AFF2: variants seen among roughly 807,000 people sequenced by gnomAD.
AFF2 encodes the protein ALF transcription elongation factor 2.
A neutral mutation model predicts 76.9 loss-of-function variants in AFF2; 14 were observed. The observed-to-expected ratio is 0.18, with a 90% CI of 0.12 to 0.28. AFF2 has a LOEUF of 0.28. Among genes scored for constraint, AFF2 ranks in the 10% least tolerant of loss-of-function variants. The pLI, the probability that AFF2 is intolerant of heterozygous loss-of-function variation, is 1.00. For synonymous variants in AFF2, 398 were observed against 366.7 expected, an observed-to-expected ratio of 1.09 and a Z score of -0.98; for missense variants, 868 against 1,001.1, an observed-to-expected ratio of 0.87 and a Z score of 1.79.
At chrX:148,666,173 A>G (rs782216934) in intron 3 of AFF2, among the ~76,000 whole-genome samples, 1 of 112,416 alleles carries the variant, frequency 8.9e-6, no homozygotes, top group South Asian at 3.7e-4. Flanking sequence ...TCCTTGAATC[A>G]TTTCCATGCT....
intron 9 of AFF2, among the ~76,000 whole-genome samples, chrX:148,905,164 T>C (rs1382215071): frequency 8.9e-6 from 1 of 112,477 alleles, no homozygotes; most frequent in Non-Finnish European, 1.9e-5. Context: ...TTTTGTTTTG[T>C]ATAATAAAAT....
At chrX:148,591,171 A>T (rs2053518882) in intron 1 of AFF2, among the ~76,000 whole-genome samples, 1 of 112,426 alleles carries the variant, frequency 8.9e-6, no homozygotes, top group South Asian at 3.7e-4. Flanking sequence ...TCATCCAAAT[A>T]TAATATTGGA....
chrX:148,724,748 T>C (rs2055135319), intron 3 of AFF2, among the ~76,000 whole-genome samples: 1 of 112,428 alleles, frequency 8.9e-6, no homozygotes, highest in Non-Finnish European at 1.9e-5. Flanking sequence ...TACTTTCATG[T>C]CATATAGTTA....
At chrX:148,548,520 C>T (rs1180934854) in intron 1 of AFF2, among the ~76,000 whole-genome samples, 1 of 111,716 alleles carries the variant, frequency 9.0e-6, no homozygotes, top group Non-Finnish European at 1.9e-5. Flanking sequence ...CTGCAGCCTC[C>T]GCCTCCCGAG....
Position 148,811,192 on chromosome X carries a change from G to C in AFF2, c.1086+1272G>C, listed in dbSNP as rs782465771. 1.4e-3 allele frequency among the ~76,000 whole-genome samples: 154 copies of C among 111,222 alleles called. 1 individual carries two copies. Among genetic ancestry groups the C allele is most frequent in the Non-Finnish European group, 2.4e-3 (127 of 52,968 alleles). On this transcript the variant is annotated intron_variant, in intron 4 of 20. Coordinates refer to ENST00000370460, the MANE Select transcript of AFF2 (RefSeq NM_002025.4). ...CATGTGTTCCTCGTGAGAATGTAAT[G>C]CCTTGATGATCTCAGGTGGAACAGT... is the stretch of plus-strand genomic sequence containing the variant.
intron 1 of AFF2, among the ~76,000 whole-genome samples, chrX:148,588,216 C>T (rs2053487556): frequency 8.9e-6 from 1 of 112,847 alleles, no homozygotes; most frequent in East Asian, 2.8e-4. Flanking sequence ...GATATTTGTT[C>T]ATATATGTAA....
chrX:148,701,012 A>AGTG (rs782232655), intron 3 of AFF2, among the ~76,000 whole-genome samples: 3 of 73,723 alleles, frequency 4.1e-5, no homozygotes, highest in Non-Finnish European at 7.4e-5. Flanking sequence ...GAGAGAGAGA[A>AGTG]TGTGTGTGTG....
intron 1 of AFF2, among the ~76,000 whole-genome samples, chrX:148,636,029 A>AT (rs1468497078): frequency 3.6e-5 from 4 of 110,114 alleles, no homozygotes; most frequent in African/African-American, 1.3e-4. Flanking sequence ...ATATATATAT[A>AT]TATTTTTTTC....
At chrX:148,523,644 G>GT (rs1557234805) in intron 1 of AFF2, among the ~76,000 whole-genome samples, 1 of 112,454 alleles carries the variant, frequency 8.9e-6, no homozygotes, top group African/African-American at 3.2e-5. Context: ...TTGATTTCAT[G>GT]CAAAAAAATT....
rs972563063 is a variant in AFF2 at position 148,587,051 on chromosome X, C to T, written c.48-64948C>T. 2.2e-4 allele frequency among the ~76,000 whole-genome samples: 25 copies of T among 111,704 alleles called. No individual in the cohort carries two copies. The South Asian group carries it at 3.0e-3, about 13-fold the overall frequency. Reference sequence around the variant, plus strand: ...TGAGCACTGGAGACCCAACAATTTACGAGGTAAAAGTGTTCCTTGCTCTCA... The same window carrying T: ...TGAGCACTGGAGACCCAACAATTTATGAGGTAAAAGTGTTCCTTGCTCTCA... On this transcript the variant is annotated intron_variant, in intron 1 of 20. Coordinates refer to ENST00000370460, the MANE Select transcript of AFF2 (RefSeq NM_002025.4).
Position 148,956,607 on chromosome X carries a change from G to A in AFF2, c.2562G>A (p.Lys854=). The change falls in exon 11 of 21, where the codon AAG becomes AAA. Residue 854 remains lysine (K), a synonymous_variant. Transcript: ENST00000370460. ...VEKPAPKGKR[K]HKPIEVAEKI... ...AACCAGCCCCTAAGGGCAAACGTAA[G>A]CACAAGGTAAGCTGTCTAAAGTGGC... The A allele has an allele frequency of 8.3e-7, 1 of 1,207,657 alleles. No individual in the cohort carries two copies. Among genetic ancestry groups the A allele is most frequent in the Non-Finnish European group, 1.1e-6 (1 of 893,718 alleles).
intron 1 of AFF2, among the ~76,000 whole-genome samples, chrX:148,617,343 CA>C (rs1222356371): frequency 1.8e-5 from 2 of 112,254 alleles, no homozygotes; most frequent in East Asian, 5.6e-4. Flanking sequence ...AGCATTTTTT[CA>C]TGTGTTTTTT....
chrX:148,798,538 T>TGGC (rs1260294267), intron 3 of AFF2, among the ~76,000 whole-genome samples: 1 of 112,437 alleles, frequency 8.9e-6, no homozygotes, highest in Admixed American at 9.4e-5. Flanking sequence ...TTAGAAGTAC[T>TGGC]GCAACACATT....
At chrX:148,882,314 G>A (rs1195678900) in intron 7 of AFF2, among the ~76,000 whole-genome samples, 1 of 111,585 alleles carries the variant, frequency 9.0e-6, no homozygotes, top group African/African-American at 3.3e-5. Flanking sequence ...CACTATCTGA[G>A]CTTTTATAGG....
chrX:148,990,182 T>C (rs2124436356), intron 20 of AFF2, among the ~76,000 whole-genome samples: 1 of 112,213 alleles, frequency 8.9e-6, no homozygotes, highest in East Asian at 2.8e-4. Context: ...ATCCCATATG[T>C]TATATATAAC....
chrX:148,598,739 G>T (rs909605117), intron 1 of AFF2, among the ~76,000 whole-genome samples: 1 of 112,259 alleles, frequency 8.9e-6, no homozygotes, highest in Admixed American at 9.4e-5. Context: ...ACATACCTTT[G>T]GCTACCCTGG....
chrX:148,634,052 G>A (rs1321267768), intron 1 of AFF2, among the ~76,000 whole-genome samples: 2 of 111,556 alleles, frequency 1.8e-5, no homozygotes, highest in Non-Finnish European at 3.8e-5. Context: ...TCCTTTTCGT[G>A]TACCTGATCT....
intron 9 of AFF2, among the ~76,000 whole-genome samples, chrX:148,920,918 A>G (rs1317912432): frequency 3.6e-5 from 4 of 110,687 alleles, no homozygotes; most frequent in African/African-American, 1.3e-4. Flanking sequence ...TTGCTGTGTA[A>G]GGCTACCCCT....
chrX:148,982,566 C>T (rs1557290991), intron 19 of AFF2, among the ~76,000 whole-genome samples: 3 of 112,151 alleles, frequency 2.7e-5, no homozygotes, highest in African/African-American at 6.5e-5. Flanking sequence ...CCAAGGAGGG[C>T]TCTCACAGCA....
Sources: gnomAD v4.1 joint callset for allele counts (sites outside exome capture counted in the v4.1 genomes callset) on GRCh38, gnomAD v4.1.1 for gene constraint, MANE v1.5 for transcripts, NCBI Gene and HGNC (gene_info 2026-07-23, HGNC 2026-07-21) for gene names.